Variants in PCDHGA7 observed in about 807,000 individuals in gnomAD.
The protein encoded by PCDHGA7 is protocadherin gamma subfamily A, 7.
In PCDHGA7, 44 loss-of-function variants were observed where a neutral mutation model predicts 58.3. The ratio of observed to expected loss-of-function variants is 0.75; its 90% CI spans 0.59 to 0.97. The LOEUF is 0.97. Among genes scored for constraint, PCDHGA7 ranks in the 50% least tolerant of loss-of-function variants. The pLI is 0.00. For missense variants in PCDHGA7, 1,266 were observed against 1,188.7 expected (o/e 1.06, Z -0.96); for synonymous variants, 516 against 504.2 (o/e 1.02, Z -0.31).
intron 1 of PCDHGA7, chr5:141,390,193 A>G (rs1189352664): frequency 6.2e-7 from 1 of 1,614,060 alleles, no homozygotes; most frequent in African/African-American, 1.3e-5. Context: ...TGTAGTGAGC[A>G]GTTGAGTTCA....
intron 1 of PCDHGA7, chr5:141,422,399 T>A: frequency 1.3e-6 from 2 of 1,598,374 alleles, no homozygotes; most frequent in Non-Finnish European, 1.7e-6. Context: ...CCTAACCACC[T>A]GCCTTTTAAA....
chr5:141,408,933 G>C, intron 1 of PCDHGA7: 1 of 1,613,550 alleles, frequency 6.2e-7, no homozygotes, highest in South Asian at 1.1e-5. Context: ...GTTTTCAGCA[G>C]AGACGAATAT....
intron 1 of PCDHGA7, chr5:141,475,949 G>A: frequency 1.3e-6 from 1 of 758,910 alleles, no homozygotes; most frequent in South Asian, 1.9e-5. Flanking sequence ...TCCCCTTTCT[G>A]CGCCCCGGGA....
Position 141,432,804 on chromosome 5 carries a change from C to T in PCDHGA7, c.2424+47481C>T, listed in dbSNP as rs1482036720. The T allele has an allele frequency of 1.2e-6, 2 of 1,614,182 alleles. No individual in the cohort carries two copies. Among genetic ancestry groups the T allele is most frequent in the Non-Finnish European group, 1.7e-6 (2 of 1,180,008 alleles). ...GACCTCGGCAGCCTCGAGTCTCCAG[C>T]TAACTCTGAAACCTCAGACCTCACT... is the stretch of plus-strand genomic sequence containing the variant. On this transcript the variant is annotated intron_variant, in intron 1 of 3. Transcript: ENST00000518325. This position sits in a 1 kb window ranked among gnomAD's most constrained non-coding sequence, Gnocchi z 6.0.
Position 141,454,981 on chromosome 5 carries a change from A to T in PCDHGA7, c.2425-39826A>T, listed in dbSNP as rs528657512. 9.9e-3 allele frequency among the ~76,000 whole-genome samples: 1,486 copies of T among 150,680 alleles called. 32 individuals carry two copies. Among genetic ancestry groups the T allele is most frequent in the African/African-American group, 0.034 (1,392 of 41,092 alleles). On this transcript the variant is annotated intron_variant, in intron 1 of 3. Coordinates refer to ENST00000518325, the MANE Select transcript of PCDHGA7 (RefSeq NM_018920.4). ...GGCCACCACGCCTGGCTAATTTTTTAAAAAATATTTTTAGTAGAGACGGGG... is the reference window on the plus strand; with the variant it reads ...GGCCACCACGCCTGGCTAATTTTTTTAAAAATATTTTTAGTAGAGACGGGG...
intron 2 of PCDHGA7, among the ~76,000 whole-genome samples, chr5:141,503,681 A>C (rs1313633991): frequency 6.6e-6 from 1 of 152,102 alleles, no homozygotes; most frequent in Non-Finnish European, 1.5e-5. Context: ...ACTTTTGGGA[A>C]GGAGAATTGA....
chr5:141,510,804 T>C (rs965530116), intron 3 of PCDHGA7, 143 bp from the exon 4 acceptor site: 2 of 1,504,768 alleles, frequency 1.3e-6, no homozygotes, highest in Admixed American at 2.0e-5. Flanking sequence ...AGAGACTACC[T>C]TGGTGACCCC....
At chr5:141,448,808 G>C (rs2098608218) in intron 1 of PCDHGA7, among the ~76,000 whole-genome samples, 2 of 152,080 alleles carry the variant, frequency 1.3e-5, no homozygotes, top group Admixed American at 1.3e-4. Flanking sequence ...AGCCAGGCGT[G>C]ATGGCGGGCG....
At chr5:141,388,464 A>G (rs750047903) in intron 1 of PCDHGA7, 2 of 1,613,850 alleles carry the variant, frequency 1.2e-6, no homozygotes, top group South Asian at 2.2e-5. Flanking sequence ...ATACCCTGAG[A>G]TGGTATTGAA....
chr5:141,383,974 GAC>G lies in PCDHGA7; in HGVS notation c.1080_1081del (p.Pro361SerfsTer20). On this transcript the variant is annotated frameshift_variant, in exon 1 of 4. Coordinates refer to ENST00000518325, the MANE Select transcript of PCDHGA7 (RefSeq NM_018920.4). LOFTEE classifies it high-confidence loss of function. ...MTSLSSSIPEDTPLGTVIALF... is the reference protein window; with the variant it reads ...MTSLSSSIPEXTPLGTVIALF... ...GTCTTTAAGTAGCTCAATCCCTGAAGACACACCTCTTGGGACAGTCATTGCTC... is the reference window on the plus strand; with the variant it reads ...GTCTTTAAGTAGCTCAATCCCTGAAGACACCTCTTGGGACAGTCATTGCTC... 6.2e-7 allele frequency: 1 copy of G among 1,613,818 alleles called. No individual in the cohort carries two copies. The highest frequency in any genetic ancestry group is 8.5e-7 in the Non-Finnish European group (1 of 1,179,814).
At chr5:141,455,430 G>C (rs190218223) in intron 1 of PCDHGA7, among the ~76,000 whole-genome samples, 1 of 152,274 alleles carries the variant, frequency 6.6e-6, no homozygotes, top group Admixed American at 6.5e-5. Flanking sequence ...CTCCAAAAGA[G>C]GAGGTCCCCA....
At chr5:141,408,747 T>C (rs1589683971) in intron 1 of PCDHGA7, 1 of 1,609,868 alleles carries the variant, frequency 6.2e-7, no homozygotes, top group Non-Finnish European at 8.5e-7. Flanking sequence ...TCATTAATGG[T>C]TAGAGTTAAT....
intron 1 of PCDHGA7, among the ~76,000 whole-genome samples, chr5:141,450,062 A>G (rs546772416): frequency 1.1e-4 from 15 of 142,322 alleles, no homozygotes; most frequent in African/African-American, 4.0e-4. Flanking sequence ...GCTGGAATGC[A>G]GTGGTATGAT....
chr5:141,409,102 G>T, intron 1 of PCDHGA7: 2 of 1,613,996 alleles, frequency 1.2e-6, no homozygotes, highest in Non-Finnish European at 8.5e-7. Flanking sequence ...AAACAGGTAT[G>T]ATTAAGAATA....
At chr5:141,394,684 G>C in intron 1 of PCDHGA7, 1 of 1,612,090 alleles carries the variant, frequency 6.2e-7, no homozygotes, top group South Asian at 1.1e-5. Flanking sequence ...CTGCACACGG[G>C]CGAGGTGCGC....
intron 2 of PCDHGA7, among the ~76,000 whole-genome samples, chr5:141,503,994 A>C (rs1330628079): frequency 6.6e-6 from 1 of 152,158 alleles, no homozygotes; most frequent in Non-Finnish European, 1.5e-5. Context: ...CTTACCTTAC[A>C]GTCACTTAAC....
chr5:141,414,412 G>A, intron 1 of PCDHGA7: 1 of 1,613,832 alleles, frequency 6.2e-7, no homozygotes, highest in South Asian at 1.1e-5. Flanking sequence ...GATACACAGA[G>A]CCCTTGACAG....
chr5:141,385,730 A>G (rs763520161), intron 1 of PCDHGA7: 8 of 214,510 alleles, frequency 3.7e-5, no homozygotes, highest in Non-Finnish European at 5.7e-5. Flanking sequence ...GTTCTGAAAG[A>G]TTTCTTCCAT....
At chr5:141,423,750 TGGGGGGGG>T in intron 1 of PCDHGA7, 1 of 287,524 alleles carries the variant, frequency 3.5e-6, no homozygotes, top group Non-Finnish European at 4.5e-6. Flanking sequence ...GAAAACTGTT[TGGGGGGGG>T]GGTGGGGCGG....
Sources: allele counts gnomAD v4.1 joint callset (sites outside exome capture counted in the v4.1 genomes callset), GRCh38; gene constraint gnomAD v4.1.1; non-coding constraint Gnocchi (gnomAD v3.1); transcripts MANE v1.5; gene names NCBI Gene and HGNC (gene_info 2026-07-23, HGNC 2026-07-21).